The following COL6A5 variants were observed in gnomAD, a reference collection of about 807,000 sequenced individuals.
COL6A5 encodes collagen type VI alpha 5 chain.
Under a neutral mutation model 65.6 loss-of-function variants are expected in COL6A5, and 48 were observed. That is an observed-to-expected ratio of 0.73 (90% CI 0.58 to 0.93). The LOEUF is 0.93. COL6A5 is among the 40% of genes least tolerant of loss of function. The probability of loss-of-function intolerance (pLI) is 0.00; values close to 1 mark genes in which losing one functional copy is unlikely to be tolerated. For missense variants in COL6A5, 914 were observed against 928.3 expected (o/e 0.98, Z 0.20); for synonymous variants, 291 against 322.8 (o/e 0.90, Z 1.05).
chr3:130,351,867 T>C (rs1934727474), intron 1 of COL6A5, among the ~76,000 whole-genome samples: 1 of 152,206 alleles, frequency 6.6e-6, no homozygotes, highest in African/African-American at 2.4e-5. Context: ...CGTATGTTTA[T>C]TGTGGCACTA....
intron 22 of COL6A5, among the ~76,000 whole-genome samples, chr3:130,414,400 T>A (rs1937278792): frequency 6.6e-6 from 1 of 152,140 alleles, no homozygotes; most frequent in Admixed American, 6.5e-5. Context: ...GATTAATACC[T>A]TCATATTACA....
intron 1 of COL6A5, among the ~76,000 whole-genome samples, chr3:130,438,309 A>T (rs1320101230): frequency 6.6e-6 from 1 of 152,154 alleles, no homozygotes; most frequent in African/African-American, 2.4e-5. Context: ...TAGAGGTTTT[A>T]TCTGTTTCAT....
chr3:130,426,414 G>C lies in COL6A5; in HGVS notation c.5236+11G>C. The C allele has an allele frequency of 6.4e-7, 1 of 1,551,000 alleles. No individual in the cohort carries two copies. Among genetic ancestry groups the C allele is most frequent in the Non-Finnish European group, 8.7e-7 (1 of 1,146,490 alleles). On this transcript the variant is annotated intron_variant and NMD_transcript_variant, in intron 31 of 41. Transcript: ENST00000312481. ...TGCGGGAACATAGTCGTGAGTATCTGTTACGGAACAAGAGCATCCATCAAT... is the reference window on the plus strand; with the variant it reads ...TGCGGGAACATAGTCGTGAGTATCTCTTACGGAACAAGAGCATCCATCAAT...
chr3:130,404,880 G>A (rs1326992716), intron 13 of COL6A5, among the ~76,000 whole-genome samples: 1 of 152,226 alleles, frequency 6.6e-6, no homozygotes, highest in Non-Finnish European at 1.5e-5. Flanking sequence ...CTAGACATGA[G>A]CCAGTCACAA....
At chr3:130,368,877 C>T (rs1024721510) in intron 1 of COL6A5, among the ~76,000 whole-genome samples, 5 of 152,152 alleles carry the variant, frequency 3.3e-5, no homozygotes, top group African/African-American at 7.2e-5. Flanking sequence ...TCCAGATGCT[C>T]CAGAAATGGG....
At chr3:130,346,671 A>G (rs1934489470) in intron 1 of COL6A5, among the ~76,000 whole-genome samples, 2 of 152,290 alleles carry the variant, frequency 1.3e-5, no homozygotes, top group South Asian at 4.1e-4. Context: ...TACTCTCAGG[A>G]TCCCCAAGCT....
exon 13 of COL6A5, chr3:130,403,651 G>A: frequency 1.3e-6 from 2 of 1,550,790 alleles, no homozygotes; most frequent in Non-Finnish European, 1.7e-6. Flanking sequence ...CAGGGGAGAG[G>A]ATGGAAACCC....
chr3:130,428,966 T>C (rs1247460182), upstream of COL6A5, among the ~76,000 whole-genome samples: 3 of 152,238 alleles, frequency 2.0e-5, no homozygotes, highest in Admixed American at 6.5e-5. Flanking sequence ...TAAAGATGTA[T>C]CAATACTTTC....
At chr3:130,437,520 T>C (rs765097923) in intron 1 of COL6A5, among the ~76,000 whole-genome samples, 3 of 152,118 alleles carry the variant, frequency 2.0e-5, no homozygotes, top group Admixed American at 6.6e-5. Context: ...CCCAGGTTAC[T>C]CTTCTACCTG....
chr3:130,483,295 C>T (rs1710296176), intron 7 of COL6A5, among the ~76,000 whole-genome samples: 1 of 152,260 alleles, frequency 6.6e-6, no homozygotes, highest in East Asian at 1.9e-4. Flanking sequence ...AGACCATCGA[C>T]ACTATGAAGA....
At chr3:130,467,262 AG>A (rs2107612328) in intron 5 of COL6A5, among the ~76,000 whole-genome samples, 1 of 152,030 alleles carries the variant, frequency 6.6e-6, no homozygotes, top group Admixed American at 6.6e-5. Flanking sequence ...GCTAATAGGG[AG>A]GGGGGAATAA....
chr3:130,468,825 C>T (rs772774502), exon 6 of COL6A5: 30 of 1,610,214 alleles, frequency 1.9e-5, no homozygotes, highest in African/African-American at 2.7e-5. Flanking sequence ...AAAGAAGAAC[C>T]AGATCATACT....
At chr3:130,395,818 G>C (rs903354381) in intron 8 of COL6A5, among the ~76,000 whole-genome samples, 1 of 152,152 alleles carries the variant, frequency 6.6e-6, no homozygotes, top group Non-Finnish European at 1.5e-5. Flanking sequence ...TAGGAAGTAA[G>C]TAAAATAAAC....
At chr3:130,478,663 C>A (rs771849407) in intron 7 of COL6A5, among the ~76,000 whole-genome samples, 2 of 152,078 alleles carry the variant, frequency 1.3e-5, no homozygotes, top group African/African-American at 4.8e-5. Flanking sequence ...AGATGTAAAA[C>A]CCCTGTAGGG....
At chr3:130,428,130 T>C (rs1577499600), upstream of COL6A5, among the ~76,000 whole-genome samples, 1 of 151,982 alleles carries the variant, frequency 6.6e-6, no homozygotes. Flanking sequence ...TTTTCCAACA[T>C]AGAATAAAAG....
At chr3:130,459,971 T>C (rs1709666954) in intron 5 of COL6A5, among the ~76,000 whole-genome samples, 1 of 152,110 alleles carries the variant, frequency 6.6e-6, no homozygotes, top group South Asian at 2.1e-4. Context: ...TCTCAAAATG[T>C]TCCTTTTGAT....
Position 130,431,823 on chromosome 3 carries a change from G to GT in COL6A5, c.367dup (p.Ser124Ter). 1 of 1,551,580 alleles carries GT rather than the reference G, an allele frequency of 6.4e-7. No homozygotes were observed. The highest frequency in any genetic ancestry group is 8.7e-7 in the Non-Finnish European group (1 of 1,146,940). On this transcript the variant is annotated frameshift_variant, in exon 1 of 8. Coordinates refer to ENST00000512836, the Ensembl canonical transcript of COL6A5. LOFTEE classifies it high-confidence loss of function. ...GAGCCAACGTGAGGAGAGTTGCTGT[G>GT]TTTTTTAGCAATGGTCAAACAGCCA...
intron 1 of COL6A5, among the ~76,000 whole-genome samples, chr3:130,362,326 ATTTTTTTTTT>A (rs374784717): frequency 2.1e-4 from 1 of 4,672 alleles, no homozygotes; most frequent in African/African-American, 4.8e-4. Flanking sequence ...ATATATATAT[ATTTTTTTTTT>A]TTTTTTTTTT....
intron 5 of COL6A5, among the ~76,000 whole-genome samples, chr3:130,467,316 T>A (rs539840744): frequency 6.6e-6 from 1 of 152,104 alleles, no homozygotes; most frequent in Non-Finnish European, 1.5e-5. Flanking sequence ...TTAGAAGGAA[T>A]AAGATCTAGT....
Sources: gnomAD v4.1 joint callset for allele counts (sites outside exome capture counted in the v4.1 genomes callset) on GRCh38, gnomAD v4.1.1 for gene constraint, MANE v1.5 for transcripts, NCBI Gene and HGNC (gene_info 2026-07-23, HGNC 2026-07-21) for gene names.